MEGF11: variants seen among roughly 807,000 people sequenced by gnomAD.
MEGF11 encodes the protein multiple epidermal growth factor-like domains protein 11.
Under a neutral mutation model 146.6 loss-of-function variants are expected in MEGF11, and 126 were observed. The ratio of observed to expected loss-of-function variants is 0.86; its 90% CI spans 0.74 to 1.00. The LOEUF (loss-of-function observed/expected upper bound fraction) is 1.00, where lower values mean the gene tolerates loss of function less well. Among genes scored for constraint, MEGF11 ranks in the 50% least tolerant of loss-of-function variants. MEGF11 has a pLI of 0.00. For missense variants in MEGF11, 1,509 were observed against 1,521.2 expected (o/e 0.99, Z 0.13); for synonymous variants, 532 against 583.4 (o/e 0.91, Z 1.27).
chr15:65,987,752 C>T (rs1240766878), intron 5 of MEGF11, among the ~76,000 whole-genome samples: 1 of 152,084 alleles, frequency 6.6e-6, no homozygotes, highest in Non-Finnish European at 1.5e-5. Context: ...ACTCTGTCAC[C>T]CAGGCTGGAG....
chr15:66,055,889 C>T (rs2084655541), intron 5 of MEGF11, among the ~76,000 whole-genome samples: 1 of 152,066 alleles, frequency 6.6e-6, no homozygotes, highest in African/African-American at 2.4e-5. Flanking sequence ...AAAAAGAAGC[C>T]CCGAATTCCA....
chr15:65,907,270 TTTTTC>T (rs1310428861), intron 23 of MEGF11, among the ~76,000 whole-genome samples: 5 of 151,956 alleles, frequency 3.3e-5, no homozygotes, highest in African/African-American at 9.7e-5. Context: ...CAGGCCCAAG[TTTTTC>T]TTTTAAGTTT....
At chr15:66,117,925 G>T (rs2087813746) in intron 4 of MEGF11, among the ~76,000 whole-genome samples, 1 of 152,162 alleles carries the variant, frequency 6.6e-6, no homozygotes, top group Non-Finnish European at 1.5e-5. Context: ...AATGCAATTA[G>T]AATTGAGTTT....
intron 5 of MEGF11, among the ~76,000 whole-genome samples, chr15:66,003,445 T>G (rs2082424486): frequency 8.7e-6 from 1 of 115,316 alleles, no homozygotes; most frequent in Non-Finnish European, 1.8e-5. Flanking sequence ...TTTTCTATCC[T>G]TAGGGGTGGC....
intron 7 of MEGF11, among the ~76,000 whole-genome samples, chr15:65,978,888 C>T (rs1342560872): frequency 6.6e-6 from 1 of 152,214 alleles, no homozygotes; most frequent in Non-Finnish European, 1.5e-5. Flanking sequence ...AGGTCCCTTA[C>T]CCTCTCTGAG....
At chr15:66,105,935 A>C (rs1287686093) in intron 4 of MEGF11, among the ~76,000 whole-genome samples, 3 of 152,128 alleles carry the variant, frequency 2.0e-5, no homozygotes, top group African/African-American at 7.2e-5. Context: ...CAGATTTGGG[A>C]GTTTTCCTCT....
At position 66,226,204 on chromosome 15, in the gene MEGF11, C is replaced by T. The variant is rs1597162203; in HGVS notation, c.-9+27401G>A. On this transcript the variant is annotated intron_variant, in intron 1 of 25. Transcript: ENST00000395614. ...TTAGTGGCCATCTTGGCTATCAGAT[C>T]GACTGTCGGTGGTATCTCAGTGCTT... Among the ~76,000 whole-genome samples, 6 of 152,106 alleles carry T rather than the reference C, an allele frequency of 3.9e-5. No homozygotes were observed. The South Asian group carries it at 1.0e-3, about 26-fold the overall frequency.
intron 11 of MEGF11, 143 bp downstream of exon 11, chr15:65,930,679 TG>T: frequency 9.8e-7 from 1 of 1,024,846 alleles, no homozygotes; most frequent in Non-Finnish European, 1.4e-6. Context: ...TTTTCTTGCC[TG>T]GAACCCAACC....
intron 5 of MEGF11, among the ~76,000 whole-genome samples, chr15:66,082,495 ATC>A (rs1426692227): frequency 3.7e-5 from 5 of 134,674 alleles, no homozygotes; most frequent in African/African-American, 1.1e-4. Flanking sequence ...CTATCTATCT[ATC>A]TATCTATCTA....
chr15:66,207,460 C>G (rs1462008401), intron 1 of MEGF11, among the ~76,000 whole-genome samples: 2 of 152,154 alleles, frequency 1.3e-5, no homozygotes, highest in African/African-American at 4.8e-5. Context: ...AGCAAAACTA[C>G]TATACAAAAA....
At chr15:65,997,654 C>T (rs895256110) in intron 5 of MEGF11, among the ~76,000 whole-genome samples, 3 of 152,190 alleles carry the variant, frequency 2.0e-5, no homozygotes, top group African/African-American at 2.4e-5. Flanking sequence ...ATGTCAGCTC[C>T]ATGAGGGCAG....
chr15:65,916,697 G>A, intron 17 of MEGF11, 131 bp downstream of exon 17: 1 of 1,460,498 alleles, frequency 6.8e-7, no homozygotes, highest in African/African-American at 1.4e-5. Context: ...TCGTGGGGCA[G>A]GAGTCAGGTA....
rs748965430 is a variant in MEGF11, at chr15:66,025,989, G to A, written c.395-43501C>T. On this transcript the variant is annotated intron_variant, in intron 5 of 25. Coordinates refer to ENST00000395614, the MANE Select transcript of MEGF11 (RefSeq NM_001385028.1). The stretch of plus-strand genomic sequence containing the variant: ...TGACCAGCATCGGTTAGAACATCCC[G>A]GACTAGTGGCTCCTCACCTTAGCCC... 3.3e-5 allele frequency among the ~76,000 whole-genome samples: 5 copies of A among 152,308 alleles called. No individual in the cohort carries two copies. The South Asian group carries it at 8.3e-4, about 25-fold the overall frequency.
chr15:65,912,912 A>G (rs2078861359), intron 20 of MEGF11, among the ~76,000 whole-genome samples: 1 of 152,174 alleles, frequency 6.6e-6, no homozygotes, highest in Admixed American at 6.5e-5. Context: ...GCTGCAGATG[A>G]GCCATGAGCC....
At chr15:66,136,568 A>G (rs533091995) in intron 1 of MEGF11, among the ~76,000 whole-genome samples, 1 of 152,204 alleles carries the variant, frequency 6.6e-6, no homozygotes, top group African/African-American at 2.4e-5. Context: ...CAATTGTTTC[A>G]AAGTTTGAAG....
intron 8 of MEGF11, among the ~76,000 whole-genome samples, chr15:65,970,276 C>T (rs2081259118): frequency 6.6e-6 from 1 of 152,198 alleles, no homozygotes; most frequent in African/African-American, 2.4e-5. Flanking sequence ...TCTATGAGTG[C>T]AGAGAGTAGA....
In MEGF11 at chr15:66,163,401, G is replaced by A. The variant is rs1202562573; in HGVS notation, c.-8-34990C>T. The stretch of plus-strand genomic sequence containing the variant: ...CGATTTCAGCTTGGGAGAAGAAAGG[G>A]CTTGTGAACTGAAGTGGAGGAGCGC... On this transcript the variant is annotated intron_variant, in intron 1 of 25. Transcript: ENST00000395614. Among the ~76,000 whole-genome samples, 3 of 152,250 alleles carry A rather than the reference G, an allele frequency of 2.0e-5. No individual in the cohort carries two copies. In the East Asian group the frequency reaches 5.8e-4, roughly 29 times the overall value.
chr15:66,137,387 G>A (rs1049168012), intron 1 of MEGF11, among the ~76,000 whole-genome samples: 2 of 152,170 alleles, frequency 1.3e-5, no homozygotes, highest in African/African-American at 2.4e-5. Flanking sequence ...TGTGAAAAAC[G>A]CAGGTTACAA....
intron 5 of MEGF11, among the ~76,000 whole-genome samples, chr15:65,998,709 G>A (rs2082273116): frequency 6.6e-6 from 1 of 152,166 alleles, no homozygotes; most frequent in Non-Finnish European, 1.5e-5. Flanking sequence ...GTTCGGGGGT[G>A]TGGGGAGGAC....
Sources: gnomAD v4.1 joint callset for allele counts (sites outside exome capture counted in the v4.1 genomes callset) on GRCh38, gnomAD v4.1.1 for gene constraint, MANE v1.5 for transcripts, NCBI Gene and HGNC (gene_info 2026-07-23, HGNC 2026-07-21) for gene names.